The following REEP5 variants were observed in gnomAD, a reference collection of about 807,000 sequenced individuals.
The protein encoded by REEP5 is receptor accessory protein 5, also known as receptor expression-enhancing protein 5.
A neutral mutation model predicts 22.4 loss-of-function variants in REEP5; 24 were observed. That is an observed-to-expected ratio of 1.07 (90% confidence interval 0.78 to 1.51). The LOEUF (loss-of-function observed/expected upper bound fraction) is 1.51, where lower values mean the gene tolerates loss of function less well. Ranked by LOEUF, REEP5 falls within the 40% of genes most tolerant of loss-of-function variation. REEP5 has a pLI of 0.00. For synonymous variants in REEP5, 103 were observed against 88.6 expected (o/e 1.16, Z -0.92); for missense variants, 252 against 233.0 (o/e 1.08, Z -0.53).
At chr5:112,919,119 C>T (rs1269353576) in intron 2 of REEP5, among the ~76,000 whole-genome samples, 1 of 152,114 alleles carries the variant, frequency 6.6e-6, no homozygotes, top group Non-Finnish European at 1.5e-5. Context: ...ATAAGAGTTA[C>T]AAGAGGTATG....
In REEP5 at chr5:112,887,319, G is replaced by T; in HGVS notation, c.352-136C>A. The T allele has an allele frequency of 8.8e-6, 7 of 798,652 alleles. 1 individual carries two copies. Among genetic ancestry groups the T allele is most frequent in the Non-Finnish European group, 1.2e-5 (7 of 569,698 alleles). 49.5% of individuals were successfully genotyped at this position (798,652 alleles called of 1,614,324 possible). ...CCCAAAGGCATTACCAGTGTTTTCTGCAGGTTAAAGGTGGGCTTTCTTTAG... is the reference window on the plus strand; with the variant it reads ...CCCAAAGGCATTACCAGTGTTTTCTTCAGGTTAAAGGTGGGCTTTCTTTAG... On this transcript the variant is annotated intron_variant, in intron 3 of 4. Transcript: ENST00000379638.
intron 4 of REEP5, chr5:112,885,205 C>A: frequency 5.9e-6 from 1 of 170,118 alleles, no homozygotes; most frequent in Non-Finnish European, 1.3e-5. Flanking sequence ...ATGGTGAGTG[C>A]TGTGGGGGTG....
At chr5:112,892,127 C>T (rs534068387) in intron 3 of REEP5, 3 of 1,614,156 alleles carry the variant, frequency 1.9e-6, no homozygotes, top group Admixed American at 3.3e-5. Context: ...AACCCAGAAC[C>T]ACCCGTGGAT....
chr5:112,888,538 G>A (rs1197808347), intron 3 of REEP5, among the ~76,000 whole-genome samples: 2 of 152,102 alleles, frequency 1.3e-5, no homozygotes, highest in Admixed American at 6.6e-5. Context: ...TCTTCCCACA[G>A]CCTCCCAAGT....
At chr5:112,889,964 C>A (rs994666113) in intron 3 of REEP5, among the ~76,000 whole-genome samples, 2 of 149,962 alleles carry the variant, frequency 1.3e-5, no homozygotes, top group African/African-American at 5.0e-5. Context: ...GTAGCTGGGA[C>A]TGCAGGCAAA....
intron 2 of REEP5, among the ~76,000 whole-genome samples, chr5:112,910,950 C>T (rs908059422): frequency 3.3e-5 from 5 of 152,142 alleles, no homozygotes; most frequent in Non-Finnish European, 7.4e-5. Flanking sequence ...CATGGTAATC[C>T]CATTGCTTTT....
intron 3 of REEP5, among the ~76,000 whole-genome samples, chr5:112,887,574 G>A (rs938341170): frequency 2.0e-5 from 3 of 152,036 alleles, no homozygotes; most frequent in Non-Finnish European, 4.4e-5. Flanking sequence ...ATATCTAGGA[G>A]GCCTGTGCTT....
At chr5:112,891,120 T>C (rs1768431138) in intron 3 of REEP5, among the ~76,000 whole-genome samples, 1 of 142,968 alleles carries the variant, frequency 7.0e-6, no homozygotes, top group Non-Finnish European at 1.5e-5. Context: ...TCACCCAGGC[T>C]GGAGTGTAGT....
intron 3 of REEP5, chr5:112,891,680 C>G: frequency 6.2e-7 from 1 of 1,613,702 alleles, no homozygotes; most frequent in Non-Finnish European, 8.5e-7. Context: ...AAGAAGATGA[C>G]ATTTCCAGAG....
rs777210896 is a variant in REEP5, at chr5:112,902,366, C to G, written c.351+14G>C. The G allele has an allele frequency of 6.9e-6, 11 of 1,599,976 alleles. No homozygotes were observed. In the African/African-American group the frequency reaches 1.3e-4, roughly 20 times the overall value. ...TACTGAGATGGAGTTTTAGTGGTAG[C>G]AAGACCAACATACCTTCAGCATGTA... On this transcript the variant is annotated intron_variant, in intron 3 of 4. Coordinates refer to ENST00000379638, the MANE Select transcript of REEP5 (RefSeq NM_005669.5).
Position 112,914,406 on chromosome 5 carries a change from T to G in REEP5, c.212+6757A>C, listed in dbSNP as rs573947078. On this transcript the variant is annotated intron_variant, in intron 2 of 4. Coordinates refer to ENST00000379638, the MANE Select transcript of REEP5 (RefSeq NM_005669.5). Reference sequence around the variant, plus strand: ...CTGGGACTACAGGCGTGTACTAATTTTTTGTATTTTTTGTAGAGATGGGGT... The same window carrying G: ...CTGGGACTACAGGCGTGTACTAATTGTTTGTATTTTTTGTAGAGATGGGGT... Among the ~76,000 whole-genome samples the G allele has an allele frequency of 7.2e-5, 11 of 151,936 alleles. 1 individual carries two copies. In the South Asian group the frequency reaches 2.3e-3, roughly 32 times the overall value.
At chr5:112,906,975 T>G (rs75987159) in intron 2 of REEP5, among the ~76,000 whole-genome samples, 2,086 of 152,294 alleles carry the variant, frequency 0.014, 15 homozygotes, top group Middle Eastern at 0.037. Flanking sequence ...AACTGAATAA[T>G]GTCTCTACTA....
At chr5:112,921,390 A>G (rs1056802476) in intron 1 of REEP5, 134 bp from the exon 2 acceptor site, 31 of 810,258 alleles carry the variant, frequency 3.8e-5, no homozygotes, top group Non-Finnish European at 5.8e-5. Flanking sequence ...CGAGAAAAAC[A>G]AACCACACGA....
chr5:112,919,339 G>C (rs1400927482), intron 2 of REEP5, among the ~76,000 whole-genome samples: 1 of 152,146 alleles, frequency 6.6e-6, no homozygotes, highest in East Asian at 1.9e-4. Flanking sequence ...CCTGAGGTCA[G>C]GAGTTCAAGA....
At chr5:112,908,090 C>CTT (rs1561657628) in intron 2 of REEP5, among the ~76,000 whole-genome samples, 2 of 119,692 alleles carry the variant, frequency 1.7e-5, no homozygotes, top group Non-Finnish European at 3.2e-5. Flanking sequence ...CAGAGACTTT[C>CTT]TTTGTTTTTT....
intron 3 of REEP5, among the ~76,000 whole-genome samples, chr5:112,900,711 C>T (rs1204314414): frequency 6.6e-6 from 1 of 152,060 alleles, no homozygotes; most frequent in Admixed American, 6.5e-5. Flanking sequence ...CATCCACCCC[C>T]TACCCAGAAC....
chr5:112,918,247 A>C (rs188584983), intron 2 of REEP5, among the ~76,000 whole-genome samples: 2 of 152,166 alleles, frequency 1.3e-5, no homozygotes, highest in South Asian at 4.1e-4. Flanking sequence ...CGGAAAGAAC[A>C]ACCAGTAGGA....
Position 112,918,250 on chromosome 5 carries a change from C to G in REEP5, c.212+2913G>C, listed in dbSNP as rs973707815. ...AAATTATGCACACGGAAAGAACAAC[C>G]AGTAGGAAGAGGGGTATACAATAAG... On this transcript the variant is annotated intron_variant, in intron 2 of 4. Transcript: ENST00000379638. 2.0e-5 allele frequency among the ~76,000 whole-genome samples: 3 copies of G among 152,084 alleles called. No individual in the cohort carries two copies. The South Asian group carries it at 6.2e-4, about 32-fold the overall frequency.
At chr5:112,895,390 C>T in intron 3 of REEP5, 1 of 152,118 alleles carries the variant, frequency 6.6e-6, no homozygotes, top group Non-Finnish European at 1.5e-5. Flanking sequence ...AGTAGTATTA[C>T]CAAATCCTAA....
Sources: allele counts gnomAD v4.1 joint callset (sites outside exome capture counted in the v4.1 genomes callset), GRCh38; gene constraint gnomAD v4.1.1; transcripts MANE v1.5; gene names NCBI Gene and HGNC (gene_info 2026-07-23, HGNC 2026-07-21).